The following DNAH17 variants were observed in gnomAD, a reference collection of about 807,000 sequenced individuals.
DNAH17 encodes axonemal beta dynein heavy chain 17.
A neutral mutation model predicts 485.6 loss-of-function variants in DNAH17; 376 were observed. That is an observed-to-expected ratio of 0.77 (90% CI 0.71 to 0.84). The LOEUF (loss-of-function observed/expected upper bound fraction) is 0.84. Ranked by LOEUF, DNAH17 falls within the 40% of genes least tolerant of loss-of-function variation. The pLI is 0.00. For missense variants in DNAH17, 6,370 were observed against 5,839.3 expected, an observed-to-expected ratio of 1.09 and a Z score of -2.96; for synonymous variants, 3,031 against 2,405.9, an observed-to-expected ratio of 1.26 and a Z score of -7.60.
chr17:78,552,780 TCTA>T lies in DNAH17; in HGVS notation c.2201_2203del (p.Val734del). 1.9e-6 allele frequency: 3 copies of T among 1,612,940 alleles called. No homozygotes were observed. The highest frequency in any genetic ancestry group is 1.7e-6 in the Non-Finnish European group (2 of 1,178,898). The stretch of plus-strand genomic sequence containing the variant: ...CAGTTCTGACTTTATTAGTAGAAAT[TCTA>T]CTGCCTTCACTATAGTCTTTATCTG... On this transcript the variant is annotated inframe_deletion, in exon 15 of 81. Transcript: ENST00000389840.
intron 27 of DNAH17, 141 bp from the exon 28 acceptor site, chr17:78,507,946 A>G (rs1344127760): frequency 1.3e-6 from 1 of 749,162 alleles, no homozygotes; most frequent in African/African-American, 1.8e-5. Context: ...CAGGAGCCAA[A>G]GGCAGATCCA....
chr17:78,528,739 T>A (rs1001398134), intron 22 of DNAH17, among the ~76,000 whole-genome samples: 1 of 152,108 alleles, frequency 6.6e-6, no homozygotes, highest in Non-Finnish European at 1.5e-5. Context: ...TCGCCCAGCC[T>A]GCACACACCC....
chr17:78,500,186 T>G (rs1248087426), intron 36 of DNAH17, 119 bp downstream of exon 36: 1 of 1,171,150 alleles, frequency 8.5e-7, no homozygotes, highest in Admixed American at 2.9e-5. Context: ...TCCTCTCCAG[T>G]GCCATTCACA....
intron 75 of DNAH17, among the ~76,000 whole-genome samples, chr17:78,433,269 G>A (rs2086744237): frequency 6.6e-6 from 1 of 152,172 alleles, no homozygotes; most frequent in South Asian, 2.1e-4. Context: ...TTATGGTTGG[G>A]GTGGCCAAGC....
intron 9 of DNAH17, among the ~76,000 whole-genome samples, chr17:78,568,464 A>G (rs957237572): frequency 9.3e-5 from 14 of 151,062 alleles, no homozygotes; most frequent in African/African-American, 3.5e-4. Flanking sequence ...TGAGTTATAC[A>G]GTTATATGTG....
chr17:78,537,252 A>T (rs1160042331), intron 19 of DNAH17, 47 bp downstream of exon 19: 22 of 1,523,536 alleles, frequency 1.4e-5, no homozygotes, highest in Non-Finnish European at 2.0e-5. Context: ...CCAAATGGGG[A>T]AAGCAATGGA....
chr17:78,543,723 C>T (rs1568229007), intron 17 of DNAH17, 134 bp downstream of exon 17: 2 of 1,359,128 alleles, frequency 1.5e-6, no homozygotes, highest in East Asian at 4.6e-5. Context: ...CTGCATCCAG[C>T]CAGGTCACAG....
intron 2 of DNAH17, among the ~76,000 whole-genome samples, chr17:78,573,691 T>C (rs1264179108): frequency 2.0e-5 from 3 of 150,982 alleles, no homozygotes; most frequent in Non-Finnish European, 4.4e-5. Context: ...AGATTAGACA[T>C]GCACAGAAGG....
chr17:78,458,418 C>G, intron 62 of DNAH17, 147 bp downstream of exon 62: 1 of 673,028 alleles, frequency 1.5e-6, no homozygotes, highest in South Asian at 1.8e-5. Flanking sequence ...CAAGTTTTAT[C>G]CTAATTACTT....
intron 7 of DNAH17, 119 bp from the exon 8 acceptor site, chr17:78,569,646 CT>C: frequency 7.9e-7 from 1 of 1,273,526 alleles, no homozygotes; most frequent in South Asian, 1.6e-5. Flanking sequence ...AAAATAACCC[CT>C]CCTATCTGCC....
In DNAH17 at chr17:78,451,521, T is replaced by G. The variant is rs775314469; in HGVS notation, c.10682A>C (p.Gln3561Pro). 6.2e-7 allele frequency: 1 copy of G among 1,613,800 alleles called. No individual in the cohort carries two copies. Among genetic ancestry groups the G allele is most frequent in the South Asian group, 1.1e-5 (1 of 91,070 alleles). The stretch of plus-strand genomic sequence containing the variant: ...TTTGGCCACCACAGCGGCCAAGAGT[T>G]GGTCCTCGAGTCCATCCCTGGTGAC... ...FLVTRDGLED[Q>P]LLAAVVAKER... The change falls in exon 66 of 81, where the codon CAA becomes CCA. Residue 3561 changes from glutamine (Q) to proline (P), a missense_variant. By Grantham distance (76) the Gln-to-Pro change is moderately conservative. Coordinates refer to ENST00000389840, the MANE Select transcript of DNAH17 (RefSeq NM_173628.4).
intron 27 of DNAH17, 107 bp downstream of exon 27, chr17:78,510,277 G>T: frequency 6.6e-7 from 1 of 1,515,530 alleles, no homozygotes; most frequent in South Asian, 1.2e-5. Flanking sequence ...CAGACTTCCC[G>T]TGAGAGCCTT....
At chr17:78,548,579 G>C (rs980520262) in intron 16 of DNAH17, among the ~76,000 whole-genome samples, 1 of 152,162 alleles carries the variant, frequency 6.6e-6, no homozygotes, top group African/African-American at 2.4e-5. Flanking sequence ...GTTTTTCTGA[G>C]ATATCTAAAC....
In DNAH17 at chr17:78,494,122, C is replaced by G; in HGVS notation, c.6322G>C (p.Val2108Leu). The stretch of plus-strand genomic sequence containing the variant: ...TCCTCCAGCTGCACCACCTTCAGCA[C>G]GAAGCTGTCCTCCGCCTGCAGCTTG... ...ELKLQAEDSF[V>L]LKVVQLEELL... Residue 2108 changes from valine to leucine, a missense_variant, in exon 41 of 81, where the codon GTG becomes CTG. Coordinates refer to ENST00000389840, the MANE Select transcript of DNAH17 (RefSeq NM_173628.4). The G allele has an allele frequency of 6.2e-7, 1 of 1,612,824 alleles. No individual in the cohort carries two copies. Among genetic ancestry groups the G allele is most frequent in the Non-Finnish European group, 8.5e-7 (1 of 1,179,822 alleles).
intron 22 of DNAH17, among the ~76,000 whole-genome samples, chr17:78,528,175 TTC>T (rs1168590194): frequency 2.2e-4 from 34 of 152,294 alleles, no homozygotes; most frequent in African/African-American, 7.2e-4. Context: ...GCTGTATGGT[TTC>T]TGTCTGCATT....
intron 51 of DNAH17, among the ~76,000 whole-genome samples, chr17:78,478,595 ACT>A (rs1412363246): frequency 6.8e-6 from 1 of 147,888 alleles, no homozygotes; most frequent in Non-Finnish European, 1.5e-5. Context: ...CATCACTACC[ACT>A]GTCACCACCA....
chr17:78,508,782 A>T (rs2090556564), intron 27 of DNAH17, among the ~76,000 whole-genome samples: 1 of 151,940 alleles, frequency 6.6e-6, no homozygotes, highest in East Asian at 1.9e-4. Context: ...AAATTTGTTA[A>T]TTCTATTTTT....
At chr17:78,446,173 C>CCAAAAAAA (rs1491135647) in intron 69 of DNAH17, among the ~76,000 whole-genome samples, 1 of 57,392 alleles carries the variant, frequency 1.7e-5, no homozygotes, top group African/African-American at 7.7e-5. Flanking sequence ...GACTCTGTCT[C>CCAAAAAAA]AAAAAAAAAA....
intron 15 of DNAH17, among the ~76,000 whole-genome samples, chr17:78,552,138 T>C (rs1473759709): frequency 1.3e-5 from 2 of 152,170 alleles, no homozygotes; most frequent in Non-Finnish European, 2.9e-5. Context: ...AGTGTCCCTT[T>C]GGACATAGGG....
Sources: gnomAD v4.1 joint callset for allele counts (sites outside exome capture counted in the v4.1 genomes callset) on GRCh38, gnomAD v4.1.1 for gene constraint, MANE v1.5 for transcripts, NCBI Gene and HGNC (gene_info 2026-07-23, HGNC 2026-07-21) for gene names.